The following CFAP54 variants were observed in gnomAD, a reference collection of about 807,000 sequenced individuals.
The protein encoded by CFAP54 is cilia- and flagella-associated protein 54.
A neutral mutation model predicts 370.4 loss-of-function variants in CFAP54; 290 were observed. The ratio of observed to expected loss-of-function variants is 0.78; its 90% CI spans 0.71 to 0.86. The LOEUF is 0.86. Ranked by LOEUF, CFAP54 falls within the 40% of genes least tolerant of loss-of-function variation. The probability of loss-of-function intolerance (pLI) is 0.00; values close to 1 mark genes in which losing one functional copy is unlikely to be tolerated. For missense variants in CFAP54, 3,399 were observed against 3,528.7 expected (o/e 0.96, Z 0.93); for synonymous variants, 1,206 against 1,236.5 (o/e 0.98, Z 0.52).
chr12:96,516,263 T>G (rs1406951703), intron 5 of CFAP54, among the ~76,000 whole-genome samples: 1 of 152,048 alleles, frequency 6.6e-6, no homozygotes, highest in Admixed American at 6.5e-5. Context: ...CTGGGAAAAG[T>G]TACTTTGCTT....
intron 60 of CFAP54, among the ~76,000 whole-genome samples, chr12:96,776,503 A>G (rs2136684414): frequency 6.6e-6 from 1 of 152,338 alleles, no homozygotes; most frequent in African/African-American, 2.4e-5. Context: ...GAATTCTCAC[A>G]CCTACTTCTG....
At chr12:96,854,824 C>T (rs112574378) in intron 66 of CFAP54, among the ~76,000 whole-genome samples, 2,322 of 151,968 alleles carry the variant, frequency 0.015, 70 homozygotes, top group African/African-American at 0.053. Flanking sequence ...ATTTTAGGTT[C>T]GGAATACATG....
At chr12:96,561,844 G>C (rs1181533139) in intron 17 of CFAP54, among the ~76,000 whole-genome samples, 1 of 142,740 alleles carries the variant, frequency 7.0e-6, no homozygotes, top group African/African-American at 2.6e-5. Context: ...ATCACCCAGT[G>C]GTGCGATCTC....
chr12:96,826,642 G>T lies in CFAP54; in HGVS notation c.9097-2372G>T, dbSNP rs1355378848. Among the ~76,000 whole-genome samples the T allele has an allele frequency of 2.4e-4, 24 of 101,078 alleles. No homozygotes were observed. In the East Asian group the frequency reaches 3.2e-3, roughly 14 times the overall value. The allele number at this position is 101,078 out of a possible 152,430, so 66.3% of individuals were successfully genotyped here. The stretch of plus-strand genomic sequence containing the variant: ...TGATATATGTTATATATTAAATATA[G>T]TATATATTAAATATATTATATATAA... On this transcript the variant is annotated intron_variant, in intron 65 of 67. Coordinates refer to ENST00000524981, the MANE Select transcript of CFAP54 (RefSeq NM_001306084.2).
At chr12:96,783,340 A>T (rs1176219713) in intron 60 of CFAP54, among the ~76,000 whole-genome samples, 2 of 152,202 alleles carry the variant, frequency 1.3e-5, no homozygotes, top group Non-Finnish European at 2.9e-5. Context: ...ATGGAGATTC[A>T]TCTTATTCAA....
intron 67 of CFAP54, among the ~76,000 whole-genome samples, chr12:96,866,362 C>A (rs774280329): frequency 1.3e-5 from 2 of 152,082 alleles, no homozygotes; most frequent in African/African-American, 4.8e-5. Context: ...AATTTTTTTA[C>A]AACGAGTAAT....
At chr12:96,864,577 G>T (rs1959958158) in intron 67 of CFAP54, among the ~76,000 whole-genome samples, 1 of 152,112 alleles carries the variant, frequency 6.6e-6, no homozygotes, top group Non-Finnish European at 1.5e-5. Flanking sequence ...CCTGCAGTCT[G>T]CATTGCCCCT....
chr12:96,593,356 C>G (rs147598395), intron 24 of CFAP54, among the ~76,000 whole-genome samples: 1 of 151,710 alleles, frequency 6.6e-6, no homozygotes, highest in Non-Finnish European at 1.5e-5. Flanking sequence ...TTTACAGTTG[C>G]TATTTCCTAC....
intron 64 of CFAP54, among the ~76,000 whole-genome samples, chr12:96,817,413 A>G (rs1284907533): frequency 6.6e-6 from 1 of 150,378 alleles, no homozygotes; most frequent in African/African-American, 2.5e-5. Context: ...TGATGCTGCA[A>G]ATAAATACCT....
At chr12:96,722,331 G>C (rs185998586) in intron 50 of CFAP54, among the ~76,000 whole-genome samples, 184 of 152,290 alleles carry the variant, frequency 1.2e-3, no homozygotes, top group African/African-American at 4.3e-3. Flanking sequence ...GTCAGGGCAG[G>C]CTTCATTGAT....
chr12:96,572,778 TTTGGGG>T (rs1955935308), intron 19 of CFAP54: 2 of 753,644 alleles, frequency 2.7e-6, no homozygotes, highest in Non-Finnish European at 3.2e-6. Flanking sequence ...AGATTTCTAT[TTTGGGG>T]TAGAAATGGA....
At chr12:96,498,818 A>AT (rs1954988566) in intron 1 of CFAP54, among the ~76,000 whole-genome samples, 1 of 152,202 alleles carries the variant, frequency 6.6e-6, no homozygotes, top group African/African-American at 2.4e-5. Flanking sequence ...TCTATGAAAG[A>AT]TACTGTCAAG....
At chr12:96,761,525 T>A (rs909384127) in intron 58 of CFAP54, among the ~76,000 whole-genome samples, 1 of 59,284 alleles carries the variant, frequency 1.7e-5, no homozygotes, top group Non-Finnish European at 3.7e-5. Flanking sequence ...GATTGTGGGG[T>A]TTTTTTTGCG....
At chr12:96,573,028 C>T in intron 19 of CFAP54, 1 of 985,394 alleles carries the variant, frequency 1.0e-6, no homozygotes, top group Non-Finnish European at 1.2e-6. Context: ...CCCAGAGAGG[C>T]TGGCTGGTCA....
At chr12:96,839,529 G>A (rs1041162168) in intron 66 of CFAP54, among the ~76,000 whole-genome samples, 3 of 152,166 alleles carry the variant, frequency 2.0e-5, no homozygotes, top group Admixed American at 6.5e-5. Flanking sequence ...TTTCAACCAC[G>A]CATCTTCCCA....
intron 26 of CFAP54, among the ~76,000 whole-genome samples, chr12:96,613,740 C>T (rs994850476): frequency 6.6e-6 from 1 of 152,116 alleles, no homozygotes; most frequent in Non-Finnish European, 1.5e-5. Context: ...ACTATAAACA[C>T]CTATATGCAA....
Position 96,655,103 on chromosome 12 carries a change from A to G in CFAP54, c.5101-2779A>G, listed in dbSNP as rs922782097. ...TGTGATATCAAGGCTTACTAAAGCT[A>G]TGGTAATTAGGAGAGTATGATACTG... On this transcript the variant is annotated intron_variant, in intron 36 of 67. Coordinates refer to ENST00000524981, the MANE Select transcript of CFAP54 (RefSeq NM_001306084.2). Among the ~76,000 whole-genome samples, 4 of 152,070 alleles carry G rather than the reference A, an allele frequency of 2.6e-5. No homozygotes were observed. The East Asian group carries it at 7.7e-4, about 29-fold the overall frequency.
chr12:96,726,733 A>G (rs1367457693), intron 50 of CFAP54, among the ~76,000 whole-genome samples: 9 of 151,220 alleles, frequency 6.0e-5, no homozygotes, highest in Middle Eastern at 6.8e-3. Flanking sequence ...GAATGTGTTC[A>G]CTCTTGCTTT....
Position 96,826,197 on chromosome 12 carries a change from C to T in CFAP54, c.9097-2817C>T, listed in dbSNP as rs1410099228. ...TCAAAGCCCCAAAACTCCATTATAT[C>T]TAAGTTTAAACAAATGCAAAAACAA... On this transcript the variant is annotated intron_variant, in intron 65 of 67. Transcript: ENST00000524981. Among the ~76,000 whole-genome samples, 31 of 145,514 alleles carry T rather than the reference C, an allele frequency of 2.1e-4. No individual in the cohort carries two copies. In the Admixed American group the frequency reaches 2.2e-3, roughly 10 times the overall value.
Sources: gnomAD v4.1 joint callset for allele counts (sites outside exome capture counted in the v4.1 genomes callset) on GRCh38, gnomAD v4.1.1 for gene constraint, MANE v1.5 for transcripts, NCBI Gene and HGNC (gene_info 2026-07-23, HGNC 2026-07-21) for gene names.